Variants in GBE1 observed in about 807,000 individuals in gnomAD.
GBE1 encodes the protein 1,4-alpha-glucan branching enzyme 1.
A neutral mutation model predicts 88.8 loss-of-function variants in GBE1; 70 were observed. The observed-to-expected ratio is 0.79, with a 90% CI of 0.65 to 0.96. The LOEUF (loss-of-function observed/expected upper bound fraction) is 0.96, where lower values mean the gene tolerates loss of function less well. Ranked by LOEUF, GBE1 falls within the 40% of genes least tolerant of loss-of-function variation. GBE1 has a pLI of 0.00. For synonymous variants in GBE1, 284 were observed against 300.1 expected (o/e 0.95, Z 0.56); for missense variants, 872 against 871.0 (o/e 1.00, Z -0.01).
chr3:81,694,530 T>C (rs1045783590), intron 2 of GBE1, among the ~76,000 whole-genome samples: 6 of 152,092 alleles, frequency 3.9e-5, no homozygotes, highest in Non-Finnish European at 8.8e-5. Context: ...TCTCCAGTCT[T>C]CCACTAGTGC....
chr3:81,546,993 T>C (rs1218845040), intron 12 of GBE1, among the ~76,000 whole-genome samples: 3 of 151,180 alleles, frequency 2.0e-5, no homozygotes, highest in African/African-American at 7.3e-5. Flanking sequence ...AAGACTAACT[T>C]TGGGTAAGTG....
chr3:81,499,248 A>G, intron 14 of GBE1, 21 bp from the exon 15 acceptor site: 1 of 1,412,584 alleles, frequency 7.1e-7, no homozygotes, highest in Non-Finnish European at 1.0e-6. Flanking sequence ...TAAGGAATTC[A>G]CAACAGTTGA....
intron 6 of GBE1, 90 bp downstream of exon 6, chr3:81,646,302 C>A: frequency 1.2e-6 from 1 of 836,534 alleles, no homozygotes; most frequent in South Asian, 1.5e-5. Context: ...TAAAAGGTTA[C>A]ACGATGTTAT....
At chr3:81,526,629 AAG>A (rs1702947972) in intron 14 of GBE1, among the ~76,000 whole-genome samples, 2 of 152,130 alleles carry the variant, frequency 1.3e-5, no homozygotes, top group African/African-American at 4.8e-5. Context: ...AATTGCTTCA[AAG>A]AGAATCAAAT....
rs765212625 is a variant in GBE1, at chr3:81,537,042, C to T, written c.1672G>A (p.Glu558Lys). The stretch of plus-strand genomic sequence containing the variant: ...TGCCGCCTGGCATAATGGTAACTCT[C>T]ATTATTTCCTTTTCTTGGGAAGTCT... Reference protein sequence around the residue: ...WLDFPRKGNNESYHYARRQFH... With the variant: ...WLDFPRKGNNKSYHYARRQFH... The change falls in exon 13 of 16, where the codon GAG becomes AAG. Residue 558 changes from glutamate to lysine, a missense_variant. Physicochemically the swap from Glu to Lys is moderately conservative, Grantham distance 56. Transcript: ENST00000429644. 7 of 1,573,712 alleles carry T rather than the reference C, an allele frequency of 4.4e-6. No homozygotes were observed. The African/African-American group carries it at 9.7e-5, about 22-fold the overall frequency.
At chr3:81,685,535 C>T (rs746344565) in intron 2 of GBE1, among the ~76,000 whole-genome samples, 6 of 152,176 alleles carry the variant, frequency 3.9e-5, no homozygotes, top group Non-Finnish European at 8.8e-5. Context: ...GCACCCGCCA[C>T]CATGCCCAGC....
At chr3:81,672,113 T>C (rs914705176) in intron 2 of GBE1, among the ~76,000 whole-genome samples, 15 of 152,076 alleles carry the variant, frequency 9.9e-5, no homozygotes, top group Admixed American at 5.9e-4. Context: ...ACTCAGGACA[T>C]TGGCAAAAAT....
intron 3 of GBE1, among the ~76,000 whole-genome samples, chr3:81,656,424 C>A (rs894529709): frequency 2.0e-4 from 30 of 152,176 alleles, no homozygotes; most frequent in Admixed American, 5.9e-4. Flanking sequence ...TCCCCTAGAA[C>A]CTCCAGAGGG....
At chr3:81,561,131 C>A (rs922951706) in intron 12 of GBE1, among the ~76,000 whole-genome samples, 8 of 151,804 alleles carry the variant, frequency 5.3e-5, no homozygotes, top group Admixed American at 2.0e-4. Flanking sequence ...TTTACAAACA[C>A]CAAATTAAAA....
chr3:81,689,188 A>G (rs971935003), intron 2 of GBE1, among the ~76,000 whole-genome samples: 30 of 152,336 alleles, frequency 2.0e-4, no homozygotes, highest in African/African-American at 6.7e-4. Flanking sequence ...GAAAACTTCA[A>G]TTGCTACTCT....
At chr3:81,580,479 C>T (rs1703711265) in intron 11 of GBE1, among the ~76,000 whole-genome samples, 1 of 152,002 alleles carries the variant, frequency 6.6e-6, no homozygotes, top group South Asian at 2.1e-4. Flanking sequence ...TGGGGAAAAG[C>T]ACAAGATTGG....
chr3:81,589,004 A>C (rs1285990893), intron 9 of GBE1, among the ~76,000 whole-genome samples: 1 of 152,030 alleles, frequency 6.6e-6, no homozygotes, highest in East Asian at 1.9e-4. Flanking sequence ...TTGAAGGTGG[A>C]AAGTTTGTGA....
chr3:81,491,143 T>C (rs1375933963), intron 15 of GBE1, among the ~76,000 whole-genome samples: 1 of 152,186 alleles, frequency 6.6e-6, no homozygotes, highest in Non-Finnish European at 1.5e-5. Flanking sequence ...TTGCCTATGA[T>C]GTGCCTTCTG....
Position 81,642,927 on chromosome 3 carries a change from T to G in GBE1, c.846A>C (p.Ile282=), listed in dbSNP as rs959259894. The change falls in exon 7 of 16, where the codon ATA becomes ATC. Residue 282 remains isoleucine (I), a synonymous_variant. Coordinates refer to ENST00000429644, the MANE Select transcript of GBE1 (RefSeq NM_000158.4). ...LVDTAHSMGI[I]VLLDVVHSHA... is the part of the protein sequence containing the mutation. ...GGCTGTGTACCACATCTAAGAGGAC[T>G]ATGATACCCATGGAATGAGCTGTGT... is the stretch of plus-strand genomic sequence containing the variant. The G allele has an allele frequency of 3.1e-6, 5 of 1,613,194 alleles. No individual in the cohort carries two copies. The highest frequency in any genetic ancestry group is 4.2e-6 in the Non-Finnish European group (5 of 1,179,386).
intron 1 of GBE1, chr3:81,743,449 C>G (rs1216700358): frequency 4.1e-6 from 3 of 733,834 alleles, no homozygotes; most frequent in Non-Finnish European, 7.0e-6. Flanking sequence ...CATACACCCC[C>G]ACAATATTAT....
chr3:81,619,759 T>G (rs2107010327), intron 7 of GBE1, among the ~76,000 whole-genome samples: 1 of 152,236 alleles, frequency 6.6e-6, no homozygotes, highest in East Asian at 1.9e-4. Context: ...AAAATAGAAT[T>G]ATCACTTTTC....
Position 81,678,650 on chromosome 3 carries a change from A to C in GBE1, c.314-7697T>G, listed in dbSNP as rs150648785. On this transcript the variant is annotated intron_variant, in intron 2 of 15. Transcript: ENST00000429644. ...AAGCACAAAATACAGCAAAGAATGC[A>C]TAGAAATTATTCTGAATATGAGAAG... Among the ~76,000 whole-genome samples, 10 of 152,310 alleles carry C rather than the reference A, an allele frequency of 6.6e-5. No homozygotes were observed. The East Asian group carries it at 1.9e-3, about 29-fold the overall frequency.
chr3:81,683,823 T>C (rs1705393295), intron 2 of GBE1, among the ~76,000 whole-genome samples: 2 of 152,212 alleles, frequency 1.3e-5, no homozygotes, highest in Non-Finnish European at 2.9e-5. Context: ...TCATTTTCCA[T>C]ATACATTTCA....
intron 1 of GBE1, among the ~76,000 whole-genome samples, chr3:81,749,499 G>C (rs1394693047): frequency 1.3e-5 from 2 of 152,228 alleles, no homozygotes; most frequent in African/African-American, 4.8e-5. Flanking sequence ...AATAGCAGGA[G>C]AGCATTCCTT....
Sources: gnomAD v4.1 joint callset for allele counts (sites outside exome capture counted in the v4.1 genomes callset) on GRCh38, gnomAD v4.1.1 for gene constraint, MANE v1.5 for transcripts, NCBI Gene and HGNC (gene_info 2026-07-23, HGNC 2026-07-21) for gene names.